The following ELP1 variants were observed in gnomAD, a reference collection of about 807,000 sequenced individuals.
ELP1 encodes elongator complex protein 1.
ELP1 carries 131 observed loss-of-function variants against 183.2 expected under a neutral mutation model. The ratio of observed to expected loss-of-function variants is 0.72; its 90% CI spans 0.62 to 0.83. The LOEUF is 0.83. Ranked by LOEUF, ELP1 falls within the 40% of genes least tolerant of loss-of-function variation. The pLI is 0.00. For missense variants in ELP1, 1,550 were observed against 1,594.9 expected, an observed-to-expected ratio of 0.97 and a Z score of 0.48; for synonymous variants, 555 against 569.0, an observed-to-expected ratio of 0.98 and a Z score of 0.35.
chr9:108,889,024 T>C (rs753672772), intron 29 of ELP1, among the ~76,000 whole-genome samples: 19 of 152,210 alleles, frequency 1.2e-4, no homozygotes, highest in Non-Finnish European at 7.3e-5. Flanking sequence ...TCCTTTCTCA[T>C]TGTTTCTACT....
At chr9:108,903,250 AG>A (rs1175596453) in intron 15 of ELP1, among the ~76,000 whole-genome samples, 1 of 147,680 alleles carries the variant, frequency 6.8e-6, no homozygotes, top group Non-Finnish European at 1.5e-5. Context: ...CGACAGGCCC[AG>A]GTGTGTGATG....
chr9:108,891,541 T>C (rs1236917252), intron 27 of ELP1, 137 bp from the exon 28 acceptor site: 2 of 771,272 alleles, frequency 2.6e-6, no homozygotes, highest in African/African-American at 1.7e-5. Flanking sequence ...GTTGATCAGT[T>C]AGTACAGTCA....
At chr9:108,933,839 C>G (rs1042867616) in intron 1 of ELP1, 25 bp downstream of exon 1, 1 of 152,904 alleles carries the variant, frequency 6.5e-6, no homozygotes, top group Non-Finnish European at 1.5e-5. Flanking sequence ...CACTCCCGTG[C>G]CCCTACCCTG....
chr9:108,906,070 A>G (rs73654150), intron 14 of ELP1, among the ~76,000 whole-genome samples: 1 of 152,186 alleles, frequency 6.6e-6, no homozygotes, highest in Non-Finnish European at 1.5e-5. Context: ...ATCTTTAAAA[A>G]GTTGCTTCAT....
chr9:108,919,936 G>A (rs1336960749), intron 6 of ELP1, among the ~76,000 whole-genome samples: 1 of 152,064 alleles, frequency 6.6e-6, no homozygotes, highest in East Asian at 1.9e-4. Context: ...TGACCACCCG[G>A]GCATTCATCA....
At chr9:108,906,651 C>G (rs144740518) in intron 13 of ELP1, among the ~76,000 whole-genome samples, 166 bp from the exon 14 acceptor site, 6 of 152,160 alleles carry the variant, frequency 3.9e-5, no homozygotes, top group Non-Finnish European at 8.8e-5. Context: ...TAAAATTAAT[C>G]TTTGTCTGGC....
chr9:108,875,443 T>C (rs1827673629), intron 35 of ELP1, among the ~76,000 whole-genome samples: 1 of 152,218 alleles, frequency 6.6e-6, no homozygotes, highest in African/African-American at 2.4e-5. Flanking sequence ...TCCGCAGGAA[T>C]TTCAAGCCTG....
intron 36 of ELP1, among the ~76,000 whole-genome samples, chr9:108,870,956 T>C (rs1383362272): frequency 6.7e-6 from 1 of 148,804 alleles, no homozygotes; most frequent in Admixed American, 6.7e-5. Flanking sequence ...TATCTTGAAA[T>C]CCTTCATGCA....
Position 108,880,082 on chromosome 9 carries a change from G to A in ELP1, c.3430C>T (p.Leu1144Phe), listed in dbSNP as rs1827866521. Residue 1144 changes from leucine (L) to phenylalanine (F), a missense_variant, in exon 32 of 37, where the codon CTC (leucine) becomes TTC (phenylalanine). By Grantham distance (22) the Leu-to-Phe change is conservative (BLOSUM62 0). Coordinates refer to ENST00000374647, the MANE Select transcript of ELP1 (RefSeq NM_003640.5). ...CCTGCCTGCTGGGCTTGCTCCTTGA[G>A]CTCTCGAACTACCAATAAACGTTTC... The part of the protein sequence containing the change: ...HKKRLLVVRE[L>F]KEQAQQAGLD... The A allele has an allele frequency of 2.5e-6, 4 of 1,613,734 alleles. No homozygotes were observed. The highest frequency in any genetic ancestry group is 1.3e-5 in the African/African-American group (1 of 74,924).
At position 108,901,546 on chromosome 9, in the gene ELP1, A is replaced by G. The variant is rs1828809000; in HGVS notation, c.1909-16T>C. The G allele has an allele frequency of 6.2e-7, 1 of 1,612,220 alleles. No individual in the cohort carries two copies. Among genetic ancestry groups the G allele is most frequent in the Non-Finnish European group, 8.5e-7 (1 of 1,178,140 alleles). ...TTGACGCAACCTGCAAGAGAAGGCC[A>G]GAGAGGCATGGGTGAAAGCTAGCTA... On this transcript the variant is annotated splice_polypyrimidine_tract_variant and intron_variant, in intron 17 of 36. Transcript: ENST00000374647.
intron 10 of ELP1, among the ~76,000 whole-genome samples, chr9:108,914,189 G>A (rs1829339914): frequency 1.3e-5 from 2 of 151,946 alleles, no homozygotes; most frequent in African/African-American, 4.8e-5. Context: ...ATCACGAGAT[G>A]GAGATCGAGA....
chr9:108,893,859 TCTAAA>T (rs1828436025), intron 26 of ELP1, 79 bp downstream of exon 26: 1 of 1,414,818 alleles, frequency 7.1e-7, no homozygotes. Context: ...TCAGTCACTG[TCTAAA>T]CTAACAGTTT....
chr9:108,880,241 A>T, intron 31 of ELP1, 76 bp from the exon 32 acceptor site: 1 of 945,142 alleles, frequency 1.1e-6, no homozygotes. Context: ...GGGAGCAGTG[A>T]AGGAGGGTTA....
chr9:108,897,339 C>A, intron 22 of ELP1, 54 bp from the exon 23 acceptor site: 1 of 1,590,054 alleles, frequency 6.3e-7, no homozygotes, highest in South Asian at 1.1e-5. Flanking sequence ...GCCCAGCGAT[C>A]AAATTACTAA....
At chr9:108,931,621 T>TA (rs1466516214) in intron 1 of ELP1, among the ~76,000 whole-genome samples, 3 of 152,256 alleles carry the variant, frequency 2.0e-5, no homozygotes, top group Non-Finnish European at 2.9e-5. Flanking sequence ...TCCATTTTTA[T>TA]ATACTGGCAG....
chr9:108,881,580 G>C, intron 31 of ELP1, 125 bp downstream of exon 31: 1 of 675,358 alleles, frequency 1.5e-6, no homozygotes, highest in East Asian at 2.7e-5. Flanking sequence ...ATATCCAGGT[G>C]GTAATTTTGA....
chr9:108,882,035 C>A, intron 30 of ELP1, 90 bp downstream of exon 30: 1 of 1,075,990 alleles, frequency 9.3e-7, no homozygotes, highest in South Asian at 1.3e-5. Flanking sequence ...TCATGAACCT[C>A]AGAAGACAAG....
rs1359152552 is a variant in ELP1, at chr9:108,882,171, A to G, written c.3239T>C (p.Val1080Ala). ...EECAQDYEEA[V>A]LLLLEGAAWE... The stretch of plus-strand genomic sequence containing the variant: ...GGCAGCTCCTTCTAACAGCAAGAGC[A>G]CAGCTTCTTCATAATCCTGACAAGG... The change falls in exon 30 of 37, where the codon GTG (valine) becomes GCG (alanine). Residue 1080 changes from valine to alanine, a missense_variant. Transcript: ENST00000374647. 3 of 1,613,424 alleles carry G rather than the reference A, an allele frequency of 1.9e-6. No homozygotes were observed. Among genetic ancestry groups the G allele is most frequent in the East Asian group, 2.2e-5 (1 of 44,868 alleles).
At chr9:108,878,778 A>G (rs777739557) in intron 33 of ELP1, 28 bp from the exon 34 acceptor site, 2 of 1,612,502 alleles carry the variant, frequency 1.2e-6, no homozygotes, top group Non-Finnish European at 1.7e-6. Context: ...GATATTTTTA[A>G]GCCTCCTGAG....
Sources: allele counts gnomAD v4.1 joint callset (sites outside exome capture counted in the v4.1 genomes callset), GRCh38; gene constraint gnomAD v4.1.1; transcripts MANE v1.5; gene names NCBI Gene and HGNC (gene_info 2026-07-23, HGNC 2026-07-21).